Variants in RAPGEF4 observed in about 807,000 individuals in gnomAD.
RAPGEF4 encodes RAP guanine-nucleotide-exchange factor (GEF) 4.
Under a neutral mutation model 147.9 loss-of-function variants are expected in RAPGEF4, and 66 were observed. That is an observed-to-expected ratio of 0.45 (90% CI 0.37 to 0.55). The LOEUF is 0.55. Ranked by LOEUF, RAPGEF4 falls within the 20% of genes least tolerant of loss-of-function variation. The probability of loss-of-function intolerance (pLI) is 0.00; values close to 1 mark genes in which losing one functional copy is unlikely to be tolerated. For synonymous variants in RAPGEF4, 419 were observed against 442.7 expected (o/e 0.95, Z 0.67); for missense variants, 1,071 against 1,257.3 (o/e 0.85, Z 2.24).
At chr2:172,830,841 G>C (rs1690219793) in intron 4 of RAPGEF4, among the ~76,000 whole-genome samples, 1 of 151,958 alleles carries the variant, frequency 6.6e-6, no homozygotes, top group Admixed American at 6.6e-5. Context: ...ACATACATGT[G>C]GTACAAAATT....
At chr2:172,949,716 T>C (rs968328928) in intron 6 of RAPGEF4, among the ~76,000 whole-genome samples, 6 of 152,218 alleles carry the variant, frequency 3.9e-5, no homozygotes, top group Non-Finnish European at 8.8e-5. Context: ...CAGAATAGTG[T>C]CCTTTGAACT....
intron 6 of RAPGEF4, among the ~76,000 whole-genome samples, chr2:172,944,279 G>A (rs1298605451): frequency 6.6e-6 from 1 of 152,200 alleles, no homozygotes; most frequent in Non-Finnish European, 1.5e-5. Context: ...TATGCGATAA[G>A]ACAGTCATGT....
intron 4 of RAPGEF4, among the ~76,000 whole-genome samples, chr2:172,852,495 A>G (rs1322346667): frequency 6.6e-6 from 1 of 152,180 alleles, no homozygotes; most frequent in African/African-American, 2.4e-5. Context: ...AATCCTTCTA[A>G]CAACTATATG....
At chr2:172,981,681 C>T (rs2676516) in intron 10 of RAPGEF4, among the ~76,000 whole-genome samples, 143,289 of 152,288 alleles carry the variant, frequency 0.94, 68,057 homozygotes, top group East Asian at 1. Flanking sequence ...CTTTTGTTCA[C>T]GTTAAAACTG....
chr2:173,002,918 T>C (rs527250315), intron 17 of RAPGEF4, among the ~76,000 whole-genome samples: 182 of 152,342 alleles, frequency 1.2e-3, no homozygotes, highest in African/African-American at 4.3e-3. Flanking sequence ...AATGAACAAA[T>C]TCAGGATGTC....
At chr2:172,822,953 C>T (rs1246786206) in intron 4 of RAPGEF4, among the ~76,000 whole-genome samples, 1 of 152,202 alleles carries the variant, frequency 6.6e-6, no homozygotes, top group African/African-American at 2.4e-5. Context: ...TTGTTTCCCA[C>T]CAGGTGGAGG....
chr2:172,926,253 T>C (rs2150071079), intron 6 of RAPGEF4, among the ~76,000 whole-genome samples: 1 of 152,334 alleles, frequency 6.6e-6, no homozygotes, highest in Non-Finnish European at 1.5e-5. Context: ...AACACTGAAG[T>C]TAAAAATCAC....
rs938287974 is a variant in RAPGEF4, at chr2:172,835,016, C to A, written c.444+20591C>A. ...GAGCTATGTAGGAGTTTTTGCCCCCCACTAGCTGACACCAGTACGTTACAG... is the reference window on the plus strand; with the variant it reads ...GAGCTATGTAGGAGTTTTTGCCCCCAACTAGCTGACACCAGTACGTTACAG... On this transcript the variant is annotated intron_variant, in intron 4 of 30. Transcript: ENST00000397081. Among the ~76,000 whole-genome samples, 8 of 152,198 alleles carry A rather than the reference C, an allele frequency of 5.3e-5. No homozygotes were observed. In the East Asian group the frequency reaches 9.6e-4, roughly 18 times the overall value.
At chr2:173,026,238 T>C (rs1308041226) in intron 23 of RAPGEF4, among the ~76,000 whole-genome samples, 1 of 152,202 alleles carries the variant, frequency 6.6e-6, no homozygotes, top group Admixed American at 6.5e-5. Context: ...CCAGGACTTC[T>C]TCCATTTTTA....
chr2:173,020,547 G>T, intron 22 of RAPGEF4, 71 bp from the exon 23 acceptor site: 6 of 1,202,174 alleles, frequency 5.0e-6, no homozygotes, highest in Non-Finnish European at 7.4e-6. Flanking sequence ...GCAATTTGTT[G>T]GTGTGATTAG....
intron 8 of RAPGEF4, 91 bp from the exon 9 acceptor site, chr2:172,965,471 C>A (rs1689729129): frequency 7.1e-7 from 1 of 1,414,696 alleles, no homozygotes; most frequent in Admixed American, 1.7e-5. Flanking sequence ...ATCATTAAGC[C>A]CTTTGGTAGG....
chr2:172,825,165 G>A (rs1689530177), intron 4 of RAPGEF4, among the ~76,000 whole-genome samples: 1 of 152,162 alleles, frequency 6.6e-6, no homozygotes, highest in Admixed American at 6.5e-5. Context: ...ATACACCTAA[G>A]CTACTGAACA....
At chr2:172,815,435 CT>C (rs943642560) in intron 4 of RAPGEF4, among the ~76,000 whole-genome samples, 2 of 152,128 alleles carry the variant, frequency 1.3e-5, no homozygotes, top group Non-Finnish European at 2.9e-5. Flanking sequence ...TGTGAGGTTA[CT>C]TGTTTGAAAT....
chr2:173,031,084 C>A (rs1302825971), intron 26 of RAPGEF4, among the ~76,000 whole-genome samples: 2 of 152,186 alleles, frequency 1.3e-5, no homozygotes, highest in Non-Finnish European at 2.9e-5. Flanking sequence ...TGCAATGGTG[C>A]TTAAAGGCAG....
At chr2:172,880,114 A>G (rs144688191) in intron 4 of RAPGEF4, among the ~76,000 whole-genome samples, 1 of 152,178 alleles carries the variant, frequency 6.6e-6, no homozygotes, top group Non-Finnish European at 1.5e-5. Flanking sequence ...GGGGAATCAC[A>G]TGCCCACTTG....
intron 29 of RAPGEF4, among the ~76,000 whole-genome samples, chr2:173,043,388 C>T (rs528271864): frequency 1.1e-4 from 16 of 152,242 alleles, no homozygotes; most frequent in Non-Finnish European, 1.9e-4. Flanking sequence ...GGTGAGGAGC[C>T]GCTTCCTGAG....
chr2:172,910,162 A>G (rs1329012498), intron 4 of RAPGEF4, among the ~76,000 whole-genome samples: 1 of 152,200 alleles, frequency 6.6e-6, no homozygotes, highest in Non-Finnish European at 1.5e-5. Context: ...AAATTGTACC[A>G]TTGGCTCTCA....
At chr2:172,886,546 C>T (rs1697241801) in intron 4 of RAPGEF4, among the ~76,000 whole-genome samples, 1 of 152,184 alleles carries the variant, frequency 6.6e-6, no homozygotes, top group Admixed American at 6.5e-5. Flanking sequence ...TTTCTTCCCT[C>T]TTGATTTGTC....
At chr2:172,851,979 A>G (rs919338649) in intron 4 of RAPGEF4, among the ~76,000 whole-genome samples, 3 of 152,244 alleles carry the variant, frequency 2.0e-5, no homozygotes, top group Admixed American at 6.5e-5. Context: ...AAATTGAATT[A>G]TGCTGTAAAT....
Sources: gnomAD v4.1 joint callset for allele counts (sites outside exome capture counted in the v4.1 genomes callset) on GRCh38, gnomAD v4.1.1 for gene constraint, MANE v1.5 for transcripts, NCBI Gene and HGNC (gene_info 2026-07-23, HGNC 2026-07-21) for gene names.